Variants in HEXB observed in about 807,000 individuals in gnomAD.
The protein encoded by HEXB is hexosaminidase subunit beta, also known as beta-hexosaminidase subunit beta.
A neutral mutation model predicts 71.2 loss-of-function variants in HEXB; 51 were observed. The observed-to-expected ratio is 0.72, with a 90% CI of 0.57 to 0.90. The LOEUF (loss-of-function observed/expected upper bound fraction) is 0.90. Ranked by LOEUF, HEXB falls within the 40% of genes least tolerant of loss-of-function variation. HEXB has a pLI of 0.00. For synonymous variants in HEXB, 266 were observed against 249.3 expected, an observed-to-expected ratio of 1.07 and a Z score of -0.63; for missense variants, 617 against 677.0, an observed-to-expected ratio of 0.91 and a Z score of 0.98.
chr5:74,694,209 T>C (rs1019769406), intron 3 of HEXB, among the ~76,000 whole-genome samples: 1 of 152,168 alleles, frequency 6.6e-6, no homozygotes, highest in Admixed American at 6.5e-5. Flanking sequence ...TCATTTGACC[T>C]CTCAAAAAAT....
intron 1 of HEXB, among the ~76,000 whole-genome samples, chr5:74,680,213 T>C (rs1036662634): frequency 3.3e-5 from 5 of 152,208 alleles, no homozygotes; most frequent in African/African-American, 1.2e-4. Context: ...TCAAGAGCCA[T>C]AGGGAATTAT....
upstream of HEXB, among the ~76,000 whole-genome samples, chr5:74,684,965 C>T (rs1580376698): frequency 6.6e-6 from 1 of 152,320 alleles, no homozygotes; most frequent in African/African-American, 2.4e-5. Flanking sequence ...GCGTGAGCCA[C>T]CACGTACGGC....
intron 5 of HEXB, among the ~76,000 whole-genome samples, chr5:74,699,140 C>T (rs57223930): frequency 3.3e-5 from 5 of 152,046 alleles, no homozygotes; most frequent in African/African-American, 4.8e-5. Flanking sequence ...GCCAAGATTA[C>T]GCCACTGCAC....
chr5:74,667,666 G>A (rs139004173), intron 1 of HEXB, among the ~76,000 whole-genome samples: 15 of 152,274 alleles, frequency 9.9e-5, no homozygotes, highest in African/African-American at 3.4e-4. Flanking sequence ...GGGCTTGCTG[G>A]GTTTGCTTGT....
At chr5:74,702,621 T>C (rs1371094334) in intron 5 of HEXB, among the ~76,000 whole-genome samples, 2 of 152,228 alleles carry the variant, frequency 1.3e-5, no homozygotes, top group Non-Finnish European at 2.9e-5. Flanking sequence ...TTCTCCACTG[T>C]GATGTTAATT....
At chr5:74,662,877 G>A (rs1184076763) in intron 1 of HEXB, among the ~76,000 whole-genome samples, 1 of 152,188 alleles carries the variant, frequency 6.6e-6, no homozygotes, top group African/African-American at 2.4e-5. Flanking sequence ...AAACCTGGAG[G>A]AATTTAAGCC....
chr5:74,719,554 TAA>T (rs1319069625), intron 11 of HEXB, among the ~76,000 whole-genome samples: 4 of 152,198 alleles, frequency 2.6e-5, no homozygotes, highest in Non-Finnish European at 4.4e-5. Flanking sequence ...TTTTGCTGTT[TAA>T]AAAAGTTTCA....
At chr5:74,676,654 T>A (rs1197662409) in intron 1 of HEXB, among the ~76,000 whole-genome samples, 1 of 151,980 alleles carries the variant, frequency 6.6e-6, no homozygotes, top group Non-Finnish European at 1.5e-5. Context: ...TGATTCCAGC[T>A]ACTCGGGAGG....
At chr5:74,693,166 G>C (rs1013230181) in intron 2 of HEXB, among the ~76,000 whole-genome samples, 1 of 152,208 alleles carries the variant, frequency 6.6e-6, no homozygotes, top group East Asian at 1.9e-4. Context: ...TGGCCTTAAA[G>C]GGAGTAGATT....
In HEXB at chr5:74,645,808, A is replaced by G. The variant is rs190488042; in HGVS notation, c.-377+5250A>G. Among the ~76,000 whole-genome samples the G allele has an allele frequency of 2.3e-3, 347 of 152,360 alleles. 1 individual carries two copies. The highest frequency in any genetic ancestry group is 4.0e-3 in the Non-Finnish European group (272 of 68,028). ...TATAGATTTTAGGGTCAGCATTTAA[A>G]ACAGCGCTTATTATTTTCTCAGAAC... On this transcript the variant is annotated intron_variant, in intron 1 of 13. Coordinates refer to the HEXB transcript ENST00000511181.
chr5:74,662,395 C>A (rs1748343869), intron 1 of HEXB, among the ~76,000 whole-genome samples: 1 of 152,122 alleles, frequency 6.6e-6, no homozygotes, highest in South Asian at 2.1e-4. Flanking sequence ...GTCATTTAAG[C>A]AAAAATGTAA....
At chr5:74,684,867 G>A (rs1181739415), upstream of HEXB, among the ~76,000 whole-genome samples, 3 of 151,932 alleles carry the variant, frequency 2.0e-5, no homozygotes, top group Admixed American at 2.0e-4. Context: ...TGTAGAGTCG[G>A]GGTTTCACCA....
rs143222503 is a variant in HEXB, at chr5:74,661,468, C to T, written c.-377+20910C>T. 6.8e-4 allele frequency among the ~76,000 whole-genome samples: 102 copies of T among 150,670 alleles called. 1 individual carries two copies. The East Asian group carries it at 0.017, about 25-fold the overall frequency. Reference sequence around the variant, plus strand: ...TGTTTTAGGACCTTTTGATTGAAGACAGTGGTGTTACAACAAAGAAGTCAT... The same window carrying T: ...TGTTTTAGGACCTTTTGATTGAAGATAGTGGTGTTACAACAAAGAAGTCAT... On this transcript the variant is annotated intron_variant, in intron 1 of 13. Coordinates refer to the HEXB transcript ENST00000511181.
At chr5:74,699,103 G>T (rs1000472669) in intron 5 of HEXB, among the ~76,000 whole-genome samples, 15 of 152,082 alleles carry the variant, frequency 9.9e-5, no homozygotes, top group Non-Finnish European at 1.3e-4. Context: ...AAAATCGCTT[G>T]AACCTGGGAG....
chr5:74,720,536 T>TAACA lies in HEXB; in HGVS notation c.1508+19_1508+22dup. On this transcript the variant is annotated intron_variant, in intron 12 of 13. Transcript: ENST00000261416. ...AGATTATGGTATGGGATTTACCTGA[T>TAACA]AACATTTAAGAATTAAGGTGCCTTA... 6.2e-7 allele frequency: 1 copy of TAACA among 1,601,184 alleles called. No individual in the cohort carries two copies. Among genetic ancestry groups the TAACA allele is most frequent in the Admixed American group, 1.7e-5 (1 of 60,008 alleles).
intron 6 of HEXB, among the ~76,000 whole-genome samples, chr5:74,707,538 T>C (rs1210192931): frequency 6.6e-6 from 1 of 152,116 alleles, no homozygotes; most frequent in Non-Finnish European, 1.5e-5. Context: ...TTAAAAACTT[T>C]GAAAAAAATT....
At chr5:74,689,636 A>G in intron 2 of HEXB, 163 bp downstream of exon 2, 1 of 682,328 alleles carries the variant, frequency 1.5e-6, no homozygotes, top group Non-Finnish European at 2.6e-6. Flanking sequence ...AAAGTAGTAC[A>G]TAGTCTTTGT....
In HEXB at chr5:74,659,003, A is replaced by G. The variant is rs376655931; in HGVS notation, c.-377+18445A>G. ...TGAGAAGACTGGAGCTTCTGCTCCA[A>G]TATGTTTCAATTCAGTACAATATGT... On this transcript the variant is annotated intron_variant, in intron 1 of 13. Coordinates refer to the HEXB transcript ENST00000511181. Among the ~76,000 whole-genome samples, 7 of 152,192 alleles carry G rather than the reference A, an allele frequency of 4.6e-5. No individual in the cohort carries two copies. The East Asian group carries it at 1.3e-3, about 29-fold the overall frequency.
At chr5:74,688,420 C>T (rs1329515692) in intron 1 of HEXB, among the ~76,000 whole-genome samples, 13 of 151,918 alleles carry the variant, frequency 8.6e-5, no homozygotes, top group African/African-American at 2.4e-4. Context: ...CTGCAACCTC[C>T]ACCTCCCGGG....
Sources: allele counts gnomAD v4.1 joint callset (sites outside exome capture counted in the v4.1 genomes callset), GRCh38; gene constraint gnomAD v4.1.1; transcripts MANE v1.5; gene names NCBI Gene and HGNC (gene_info 2026-07-23, HGNC 2026-07-21).